ZNF512: variants seen among roughly 807,000 people sequenced by gnomAD.
ZNF512 encodes zinc finger protein 512.
A neutral mutation model predicts 77.5 loss-of-function variants in ZNF512; 25 were observed. The ratio of observed to expected loss-of-function variants is 0.32; its 90% CI spans 0.23 to 0.45. The LOEUF is 0.45. Among genes scored for constraint, ZNF512 ranks in the 20% least tolerant of loss-of-function variants. The probability of loss-of-function intolerance (pLI) is 1.00; values close to 1 mark genes in which losing one functional copy is unlikely to be tolerated. For synonymous variants in ZNF512, 246 were observed against 239.9 expected, an observed-to-expected ratio of 1.03 and a Z score of -0.24; for missense variants, 483 against 692.6, an observed-to-expected ratio of 0.70 and a Z score of 3.40.
chr2:27,594,131 C>T (rs1558466230), intron 2 of ZNF512, among the ~76,000 whole-genome samples: 2 of 152,186 alleles, frequency 1.3e-5, no homozygotes, highest in African/African-American at 4.8e-5. Flanking sequence ...GTGCTCCTCA[C>T]TTCCCAGACA....
At chr2:27,609,914 A>C (rs916432991) in intron 10 of ZNF512, among the ~76,000 whole-genome samples, 21 of 148,082 alleles carry the variant, frequency 1.4e-4, no homozygotes, top group African/African-American at 4.6e-4. Context: ...GTGTAGTCCC[A>C]GCTATAGTCT....
At chr2:27,594,760 T>C (rs1283454623) in intron 2 of ZNF512, among the ~76,000 whole-genome samples, 1 of 152,122 alleles carries the variant, frequency 6.6e-6, no homozygotes, top group African/African-American at 2.4e-5. Context: ...GTCTTAGCAC[T>C]TTGGGAGGCC....
chr2:27,603,561 A>G (rs1272400420), intron 9 of ZNF512, among the ~76,000 whole-genome samples: 3 of 97,184 alleles, frequency 3.1e-5, no homozygotes, highest in South Asian at 2.7e-4. Context: ...TATATCTTAT[A>G]TATTTTTATA....
intron 9 of ZNF512, among the ~76,000 whole-genome samples, chr2:27,606,827 G>A (rs973797842): frequency 1.3e-5 from 2 of 152,078 alleles, no homozygotes; most frequent in African/African-American, 4.8e-5. Context: ...GTGTCGGTAG[G>A]GCTGTTCTTT....
intron 10 of ZNF512, among the ~76,000 whole-genome samples, chr2:27,610,552 A>ATGTGTGTGTGTGTG (rs1672591943): frequency 3.9e-5 from 1 of 25,334 alleles, no homozygotes; most frequent in African/African-American, 1.4e-4. Flanking sequence ...GTGTATATAT[A>ATGTGTGTGTGTGTG]TATATATATA....
At chr2:27,600,176 A>G (rs1429445374) in intron 5 of ZNF512, 123 bp downstream of exon 5, 8 of 1,103,344 alleles carry the variant, frequency 7.3e-6, no homozygotes, top group African/African-American at 3.1e-5. Context: ...TAAGGGCTCT[A>G]GTTTGGAGTC....
Position 27,602,539 on chromosome 2 carries a change from G to A in ZNF512, c.746G>A (p.Gly249Glu). The change falls in exon 8 of 14, where the codon GGA (glycine) becomes GAA (glutamate). Residue 249 changes from glycine to glutamate, a missense_variant. By Grantham distance (98) the Gly-to-Glu change is moderately conservative. Transcript: ENST00000355467. ...ERLRTVLKRL[G>E]KLRCMRESCS... ...CTCCGAACAGTTCTAAAGAGACTGG[G>A]AAAGCTCAGGTGCATGCGTGAGGTA... 1 of 1,613,922 alleles carries A rather than the reference G, an allele frequency of 6.2e-7. No homozygotes were observed.
rs897821436 is a variant in ZNF512, at chr2:27,590,214, G to A, written c.89+6498G>A. Among the ~76,000 whole-genome samples the A allele has an allele frequency of 3.3e-5, 5 of 152,126 alleles. 1 individual carries two copies. Among genetic ancestry groups the A allele is most frequent in the Admixed American group, 2.0e-4 (3 of 15,282 alleles). Reference sequence around the variant, plus strand: ...TTTCCCTTTAATTTTGTCAGTTTTCGCTTTGTGTATTTTGAGGCTCTATTA... The same window carrying A: ...TTTCCCTTTAATTTTGTCAGTTTTCACTTTGTGTATTTTGAGGCTCTATTA... On this transcript the variant is annotated intron_variant, in intron 2 of 13. Transcript: ENST00000355467.
chr2:27,609,701 T>G (rs188409052), intron 10 of ZNF512, among the ~76,000 whole-genome samples: 158 of 152,276 alleles, frequency 1.0e-3, no homozygotes, highest in African/African-American at 3.7e-3. Context: ...ATACCCCTTC[T>G]CTATTAAAAA....
Position 27,587,307 on chromosome 2 carries a change from C to A in ZNF512, c.89+3591C>A, listed in dbSNP as rs1256699624. The stretch of plus-strand genomic sequence containing the variant: ...TTTTTCTTTTTTTGAGACAGTGTCT[C>A]CCTCTGTCACCCAGGCTGGAGTGCA... On this transcript the variant is annotated intron_variant, in intron 2 of 13. Coordinates refer to ENST00000355467, the MANE Select transcript of ZNF512 (RefSeq NM_032434.4). Among the ~76,000 whole-genome samples the A allele has an allele frequency of 3.4e-5, 5 of 146,654 alleles. No individual in the cohort carries two copies. In the East Asian group the frequency reaches 8.0e-4, roughly 23 times the overall value.
intron 3 of ZNF512, among the ~76,000 whole-genome samples, chr2:27,598,830 T>G (rs188181656): frequency 7.7e-6 from 1 of 130,076 alleles, no homozygotes; most frequent in East Asian, 1.9e-4. Context: ...AATTCCCCTT[T>G]TCTTCTTCTT....
In ZNF512 at chr2:27,607,902, T is replaced by G. The variant is rs1311142598; in HGVS notation, c.994T>G (p.Ser332Ala). Residue 332 changes from serine (S) to alanine (A), a missense_variant, in exon 10 of 14, where the codon TCA becomes GCA. This residue lies in a region of ZNF512 where 324 missense variants were observed against 525.0 expected (regional missense o/e 0.62). Transcript: ENST00000355467. The stretch of plus-strand genomic sequence containing the variant: ...GTGCTTAAAGGAGATGAACCTAGAG[T>G]CAAAGAGTGGGGGCCGAGTTCAGAG... ...PECLKEMNLE[S>A]KSGGRVQRRS... 2 of 1,613,740 alleles carry G rather than the reference T, an allele frequency of 1.2e-6. No individual in the cohort carries two copies. The highest frequency in any genetic ancestry group is 2.2e-5 in the East Asian group (1 of 44,878).
intron 7 of ZNF512, among the ~76,000 whole-genome samples, chr2:27,602,238 C>G (rs1243663522): frequency 6.6e-6 from 1 of 152,186 alleles, no homozygotes; most frequent in Non-Finnish European, 1.5e-5. Context: ...TAGGTTAGCT[C>G]CAAAGGTTCA....
At chr2:27,589,181 C>G (rs907302858) in intron 2 of ZNF512, among the ~76,000 whole-genome samples, 2 of 151,846 alleles carry the variant, frequency 1.3e-5, no homozygotes, top group African/African-American at 4.8e-5. Context: ...TTGCTTTTTT[C>G]CTTTTGATCT....
At chr2:27,598,332 A>C in intron 3 of ZNF512, 78 bp downstream of exon 3, 6 of 1,452,946 alleles carry the variant, frequency 4.1e-6, no homozygotes, top group Non-Finnish European at 4.7e-6. Context: ...AATACCTCTT[A>C]AAAGTATTAA....
In ZNF512 at chr2:27,616,111, G is replaced by T. The variant is rs1315167004; in HGVS notation, c.1234-151G>T. Reference sequence around the variant, plus strand: ...TTTCCTTGGCTTTCCTTCTTTTGCGGCTTGCATGTATATTCTTTTTTCGTT... The same window carrying T: ...TTTCCTTGGCTTTCCTTCTTTTGCGTCTTGCATGTATATTCTTTTTTCGTT... On this transcript the variant is annotated intron_variant, in intron 11 of 13. Coordinates refer to ENST00000355467, the MANE Select transcript of ZNF512 (RefSeq NM_032434.4). 3 of 522,252 alleles carry T rather than the reference G, an allele frequency of 5.7e-6. No homozygotes were observed. In the East Asian group the frequency reaches 9.2e-5, roughly 16 times the overall value. The allele number at this position is 522,252 out of a possible 1,614,324, so 32.4% of individuals were successfully genotyped here.
At chr2:27,601,644 T>TTTTTG (rs112927528) in intron 7 of ZNF512, among the ~76,000 whole-genome samples, 43,163 of 150,786 alleles carry the variant, frequency 0.29, 7,337 homozygotes, top group African/African-American at 0.47. Context: ...TGGCTAATTT[T>TTTTTG]TTTTGTTTTG....
chr2:27,583,280 C>G lies in ZNF512; in HGVS notation c.30+138C>G, dbSNP rs1419443177. ...GCCCCACCCTTCTAGATCAGATCAC[C>G]TGTCCCTTTTTCTTTACCCACGTTC... On this transcript the variant is annotated intron_variant, in intron 1 of 13. Transcript: ENST00000355467. 7 of 1,383,184 alleles carry G rather than the reference C, an allele frequency of 5.1e-6. No homozygotes were observed. In the East Asian group the frequency reaches 1.4e-4, roughly 27 times the overall value. The allele number at this position is 1,383,184 out of a possible 1,614,324, so 85.7% of individuals were successfully genotyped here.
At chr2:27,605,542 C>G (rs1475768147) in intron 9 of ZNF512, among the ~76,000 whole-genome samples, 1 of 152,034 alleles carries the variant, frequency 6.6e-6, no homozygotes, top group Non-Finnish European at 1.5e-5. Context: ...GTGGCGCCAC[C>G]TTGGCTCACT....
Sources: gnomAD v4.1 joint callset for allele counts (sites outside exome capture counted in the v4.1 genomes callset) on GRCh38, gnomAD v4.1.1 for gene constraint, gnomAD v4.1.1 regional missense constraint, MANE v1.5 for transcripts, NCBI Gene and HGNC (gene_info 2026-07-23, HGNC 2026-07-21) for gene names.